The following ZNF616 variants were observed in gnomAD, a reference collection of about 807,000 sequenced individuals.
ZNF616 encodes the protein zinc finger protein 616.
Under a neutral mutation model 7.6 loss-of-function variants are expected in ZNF616, and 5 were observed. The observed-to-expected ratio is 0.66, with a 90% CI of 0.34 to 1.38. ZNF616 has a LOEUF of 1.38. ZNF616 is among the 40% of genes most tolerant of loss of function. ZNF616 has a pLI of 0.04. For synonymous variants in ZNF616, 319 were observed against 317.2 expected (o/e 1.01, Z -0.06); for missense variants, 913 against 948.3 (o/e 0.96, Z 0.49).
At chr19:52,127,842 T>C (rs1324224193) in intron 2 of ZNF616, among the ~76,000 whole-genome samples, 1 of 152,200 alleles carries the variant, frequency 6.6e-6, no homozygotes, top group African/African-American at 2.4e-5. Flanking sequence ...CAAAAAAAGA[T>C]GTATCTTTGA....
rs2089043042 is a variant in ZNF616 at position 52,139,831 on chromosome 19, G to A, written c.-176C>T. 1 of 152,338 alleles carries A rather than the reference G, an allele frequency of 6.6e-6. No individual in the cohort carries two copies. Among genetic ancestry groups the A allele is most frequent in the Non-Finnish European group, 1.5e-5 (1 of 68,130 alleles). 9.4% of individuals were successfully genotyped at this position (152,338 alleles called of 1,614,324 possible). The stretch of plus-strand genomic sequence containing the variant: ...GGTACGGAGAAGTGAGGACTGCAAA[G>A]TGCACGTTTAATCCAGGCAGACGGA... On this transcript the variant is annotated 5_prime_UTR_variant, in exon 1 of 4. Transcript: ENST00000600228. The surrounding 1 kb of genome is among the most constrained non-coding windows in gnomAD (Gnocchi z 4.1).
In ZNF616 at chr19:52,139,774, A is replaced by G. The variant is rs2089042553; in HGVS notation, c.-119T>C. ...TTGCAGGGGCGAAGGGGCTATGGGTATTTTAAGGTCCGTAGCGATCCCCAG... is the reference window on the plus strand; with the variant it reads ...TTGCAGGGGCGAAGGGGCTATGGGTGTTTTAAGGTCCGTAGCGATCCCCAG... On this transcript the variant is annotated 5_prime_UTR_variant, in exon 1 of 4. Coordinates refer to ENST00000600228, the MANE Select transcript of ZNF616 (RefSeq NM_178523.5). The surrounding 1 kb of genome is among the most constrained non-coding windows in gnomAD (Gnocchi z 4.1). 6.6e-6 allele frequency: 1 copy of G among 151,796 alleles called. No individual in the cohort carries two copies. Among genetic ancestry groups the G allele is most frequent in the Non-Finnish European group, 1.5e-5 (1 of 67,966 alleles). The allele number at this position is 151,796 out of a possible 1,614,324, so 9.4% of individuals were successfully genotyped here.
In ZNF616 at chr19:52,123,824, TC is replaced by T; in HGVS notation, c.139+98del. ...TTTTTATTTTTGAACCAATAAGGCT[TC>T]AGTCTCAAATAACGGAGGGGTTCCC... On this transcript the variant is annotated intron_variant, in intron 3 of 3. Coordinates refer to ENST00000600228, the MANE Select transcript of ZNF616 (RefSeq NM_178523.5). 2.7e-6 allele frequency: 4 copies of T among 1,457,818 alleles called. No individual in the cohort carries two copies. In the South Asian group the frequency reaches 3.5e-5, roughly 13 times the overall value. 90.3% of individuals were successfully genotyped at this position (1,457,818 alleles called of 1,614,324 possible).
intron 1 of ZNF616, among the ~76,000 whole-genome samples, chr19:52,131,888 CAG>C (rs1203206998): frequency 1.3e-5 from 2 of 152,002 alleles, no homozygotes; most frequent in Non-Finnish European, 2.9e-5. Context: ...ACTGAGGGGC[CAG>C]AGAGTTCTAG....
chr19:52,121,003 A>G (rs1376390733), intron 3 of ZNF616, among the ~76,000 whole-genome samples: 1 of 152,246 alleles, frequency 6.6e-6, no homozygotes, highest in Non-Finnish European at 1.5e-5. Flanking sequence ...GAATTTTTTC[A>G]GAACTTCACA....
chr19:52,131,120 T>G (rs764955397), intron 1 of ZNF616, among the ~76,000 whole-genome samples: 8 of 151,872 alleles, frequency 5.3e-5, no homozygotes, highest in Non-Finnish European at 7.4e-5. Flanking sequence ...ACACAAAAAT[T>G]AGCCAGGCAT....
In ZNF616 at chr19:52,115,253, C is replaced by G; in HGVS notation, c.1911G>C (p.Gln637His). ...CACGCTGACTAAAGGAATTCCCACACTGATTGCATTTGTAAGGTTTCTCTC... is the reference window on the plus strand; with the variant it reads ...CACGCTGACTAAAGGAATTCCCACAGTGATTGCATTTGTAAGGTTTCTCTC... ...HTGEKPYKCN[Q>H]CGNSFSQRVH... The change falls in exon 4 of 4, where the codon CAG (glutamine) becomes CAC (histidine). Residue 637 changes from glutamine (Q) to histidine (H), a missense_variant. Coordinates refer to ENST00000600228, the MANE Select transcript of ZNF616 (RefSeq NM_178523.5). The G allele has an allele frequency of 6.2e-7, 1 of 1,614,104 alleles. No homozygotes were observed. Among genetic ancestry groups the G allele is most frequent in the Non-Finnish European group, 8.5e-7 (1 of 1,180,010 alleles).
intron 2 of ZNF616, among the ~76,000 whole-genome samples, chr19:52,125,519 C>A (rs968585840): frequency 1.3e-5 from 2 of 152,226 alleles, no homozygotes; most frequent in Non-Finnish European, 2.9e-5. Context: ...ACCTTCTAGA[C>A]ATCCTGGAGT....
intron 2 of ZNF616, among the ~76,000 whole-genome samples, chr19:52,125,093 G>C (rs888185729): frequency 3.3e-5 from 5 of 152,174 alleles, no homozygotes; most frequent in Non-Finnish European, 7.3e-5. Context: ...TTGTGGAGGA[G>C]AGAAAAACAC....
intron 2 of ZNF616, among the ~76,000 whole-genome samples, chr19:52,129,650 G>C (rs891695930): frequency 2.0e-5 from 3 of 152,092 alleles, no homozygotes; most frequent in African/African-American, 7.2e-5. Context: ...AATAAAACAC[G>C]CTCTAATGTC....
At chr19:52,118,535 C>T (rs895758047) in intron 3 of ZNF616, among the ~76,000 whole-genome samples, 9 of 152,116 alleles carry the variant, frequency 5.9e-5, no homozygotes, top group Admixed American at 1.3e-4. Flanking sequence ...AAAGAGAAAG[C>T]CATGGTAAAC....
chr19:52,115,005 A>G lies in ZNF616; in HGVS notation c.2159T>C (p.Ile720Thr), dbSNP rs1351147515. ...IHTGEKRYKC[I>T]ECGKAFGRLF... ...CCGCCCAAAGGCTTTGCCACATTCA[A>G]TACATTTGTATCTTTTCTCTCCAGT... The change falls in exon 4 of 4, where the codon ATT becomes ACT. Residue 720 changes from isoleucine (I) to threonine (T), a missense_variant. By Grantham distance (89) the Ile-to-Thr change is moderately conservative. Transcript: ENST00000600228. 7 of 1,613,436 alleles carry G rather than the reference A, an allele frequency of 4.3e-6. No individual in the cohort carries two copies. In the Admixed American group the frequency reaches 5.0e-5, roughly 12 times the overall value.
rs147879444 is a variant in ZNF616 at position 52,133,921 on chromosome 19, C to T, written c.-76-3333G>A. ...CCCCAGTGTGTGTTGTTGCCCTCTACGTATCCATGTTTTCTCATCATTTAC... is the reference window on the plus strand; with the variant it reads ...CCCCAGTGTGTGTTGTTGCCCTCTATGTATCCATGTTTTCTCATCATTTAC... On this transcript the variant is annotated intron_variant, in intron 1 of 3. Transcript: ENST00000600228. 3.9e-5 allele frequency among the ~76,000 whole-genome samples: 6 copies of T among 152,220 alleles called. No individual in the cohort carries two copies. In the East Asian group the frequency reaches 9.7e-4, roughly 25 times the overall value.
intron 2 of ZNF616, among the ~76,000 whole-genome samples, chr19:52,127,503 AACAAGATAT>A (rs1473165389): frequency 3.3e-5 from 5 of 152,274 alleles, no homozygotes; most frequent in Admixed American, 6.5e-5. Context: ...TATAATCTAC[AACAAGATAT>A]ACAGAAAAAT....
intron 1 of ZNF616, among the ~76,000 whole-genome samples, chr19:52,138,213 TCTC>T (rs1489321705): frequency 2.6e-5 from 4 of 152,266 alleles, no homozygotes; most frequent in African/African-American, 7.2e-5. Flanking sequence ...TGCCTATTTC[TCTC>T]CTCCTCCATC....
intron 2 of ZNF616, among the ~76,000 whole-genome samples, chr19:52,129,785 T>C (rs2088941583): frequency 6.9e-6 from 1 of 145,302 alleles, no homozygotes; most frequent in South Asian, 2.4e-4. Flanking sequence ...TCCTTTTCCA[T>C]ATTTTTTTTT....
chr19:52,116,308 C>G lies in ZNF616; in HGVS notation c.856G>C (p.Val286Leu). The change falls in exon 4 of 4, where the codon GTT becomes CTT. Residue 286 changes from valine to leucine, a missense_variant. Transcript: ENST00000600228. ...TCACCGGTATGAATTCTCTGATGAA[C>G]TGCAAGGTGGGAACTTTTACTAAAG... ...KSFSKSSHLA[V>L]HQRIHTGEKP... 1 of 1,614,142 alleles carries G rather than the reference C, an allele frequency of 6.2e-7. No homozygotes were observed. Among genetic ancestry groups the G allele is most frequent in the Non-Finnish European group, 8.5e-7 (1 of 1,180,022 alleles).
chr19:52,126,782 T>C (rs1220745271), intron 2 of ZNF616, among the ~76,000 whole-genome samples: 1 of 151,358 alleles, frequency 6.6e-6, no homozygotes, highest in Non-Finnish European at 1.5e-5. Flanking sequence ...AAATAAATAA[T>C]AAATAATTAA....
rs539372446 is a variant in ZNF616 at position 52,129,724 on chromosome 19, C to T, written c.12+777G>A. 3.3e-3 allele frequency among the ~76,000 whole-genome samples: 498 copies of T among 152,084 alleles called. 1 individual carries two copies. The highest frequency in any genetic ancestry group is 7.2e-3 in the Admixed American group (110 of 15,268). ...AGTTAGAAATAGTGACTCATTCATA[C>T]AGCTTCAAATGTAGTATAAAATCAG... is the stretch of plus-strand genomic sequence containing the variant. On this transcript the variant is annotated intron_variant, in intron 2 of 3. Transcript: ENST00000600228.
Sources: gnomAD v4.1 joint callset for allele counts (sites outside exome capture counted in the v4.1 genomes callset) on GRCh38, gnomAD v4.1.1 for gene constraint, Gnocchi (gnomAD v3.1) non-coding constraint, MANE v1.5 for transcripts, NCBI Gene and HGNC (gene_info 2026-07-23, HGNC 2026-07-21) for gene names.